Variants in PSMG2 observed in about 807,000 individuals in gnomAD.
PSMG2 encodes proteasome assembly chaperone 2.
PSMG2 carries 21 observed loss-of-function variants against 31.5 expected under a neutral mutation model. The ratio of observed to expected loss-of-function variants is 0.67; its 90% CI spans 0.47 to 0.96. The LOEUF (loss-of-function observed/expected upper bound fraction) is 0.96. Ranked by LOEUF, PSMG2 falls within the 40% of genes least tolerant of loss-of-function variation. The pLI is 0.00. For synonymous variants in PSMG2, 120 were observed against 110.4 expected (o/e 1.09, Z -0.54); for missense variants, 318 against 321.2 (o/e 0.99, Z 0.08).
rs151044813 is a variant in PSMG2 at position 12,659,447 on chromosome 18, C to T, written c.-37+674C>T. Reference sequence around the variant, plus strand: ...CTTTGGGAGGCTGAGGCGGGCAGATCACTGAGGTCAGGAGTTCGAGACCAG... The same window carrying T: ...CTTTGGGAGGCTGAGGCGGGCAGATTACTGAGGTCAGGAGTTCGAGACCAG... On this transcript the variant is annotated intron_variant, in intron 1 of 6. Coordinates refer to the PSMG2 transcript ENST00000585331. Among the ~76,000 whole-genome samples the T allele has an allele frequency of 4.2e-3, 641 of 152,278 alleles. 3 individuals carry two copies. The highest frequency in any genetic ancestry group is 0.015 in the African/African-American group (605 of 41,550).
chr18:12,709,182 A>G (rs2145136469), intron 2 of PSMG2, among the ~76,000 whole-genome samples: 1 of 151,474 alleles, frequency 6.6e-6, no homozygotes, highest in Admixed American at 6.6e-5. Context: ...AGTAGCTAGG[A>G]TTACAGGCAC....
Position 12,721,080 on chromosome 18 carries a change from C to T in PSMG2, c.581+397C>T, listed in dbSNP as rs550617360. 2.5e-3 allele frequency among the ~76,000 whole-genome samples: 382 copies of T among 150,644 alleles called. 1 individual carries two copies. Among genetic ancestry groups the T allele is most frequent in the African/African-American group, 8.9e-3 (367 of 41,046 alleles). The stretch of plus-strand genomic sequence containing the variant: ...CTGTAGTCCCAGCTACTCGGGAGGC[C>T]GAGGCAGGAGAATGGTGTGAACCCG... On this transcript the variant is annotated intron_variant, in intron 5 of 6. Transcript: ENST00000317615.
At chr18:12,702,820 C>T (rs2040205671), upstream of PSMG2, 3 of 560,338 alleles carry the variant, frequency 5.4e-6, no homozygotes, top group South Asian at 4.6e-5. Flanking sequence ...TTCCGCCCGC[C>T]GCTCCACCTC....
intron 1 of PSMG2, among the ~76,000 whole-genome samples, chr18:12,660,122 A>G (rs1394281414): frequency 6.6e-6 from 1 of 152,192 alleles, no homozygotes; most frequent in Non-Finnish European, 1.5e-5. Context: ...CTTACCCACC[A>G]GTAAACAAGA....
intron 1 of PSMG2, chr18:12,674,705 A>G: frequency 6.2e-7 from 1 of 1,614,136 alleles, no homozygotes; most frequent in East Asian, 2.2e-5. Context: ...AAAGCTGGTG[A>G]TAAAAGGTAG....
At chr18:12,666,748 C>CAA (rs538321327) in intron 1 of PSMG2, among the ~76,000 whole-genome samples, 2 of 134,914 alleles carry the variant, frequency 1.5e-5, no homozygotes, top group Non-Finnish European at 1.6e-5. Flanking sequence ...CACACCCGGC[C>CAA]AAAAAAAAAA....
rs1411483816 is a variant in PSMG2, at chr18:12,720,509, G to A, written c.408-1G>A. 1.3e-6 allele frequency: 2 copies of A among 1,578,858 alleles called. No homozygotes were observed. Among genetic ancestry groups the A allele is most frequent in the Non-Finnish European group, 8.6e-7 (1 of 1,166,240 alleles). ...AAAGTTAACTATATGATTATTTCTAGTACTCCCTTCCGGTACCTACTTACA... is the reference window on the plus strand; with the variant it reads ...AAAGTTAACTATATGATTATTTCTAATACTCCCTTCCGGTACCTACTTACA... On this transcript the variant is annotated splice_acceptor_variant, in intron 4 of 6. Transcript: ENST00000317615. LOFTEE classifies it high-confidence loss of function.
intron 5 of PSMG2, 171 bp from the exon 6 acceptor site, chr18:12,724,328 C>T (rs1387704420): frequency 4.9e-6 from 3 of 617,880 alleles, no homozygotes; most frequent in East Asian, 6.4e-5. Context: ...GGCCTGCTCT[C>T]ACAAGTAGAA....
chr18:12,713,036 C>T (rs899541089), intron 3 of PSMG2, among the ~76,000 whole-genome samples: 1 of 152,030 alleles, frequency 6.6e-6, no homozygotes, highest in African/African-American at 2.4e-5. Flanking sequence ...GAGGTTTATT[C>T]CATTTGTATT....
chr18:12,698,215 T>C (rs1343644429), upstream of PSMG2, among the ~76,000 whole-genome samples: 1 of 151,782 alleles, frequency 6.6e-6, no homozygotes, highest in Admixed American at 6.6e-5. Flanking sequence ...TTATAAATAA[T>C]TTATAAATAT....
intron 1 of PSMG2, among the ~76,000 whole-genome samples, chr18:12,678,657 A>C (rs1442719169): frequency 6.6e-6 from 1 of 152,160 alleles, no homozygotes; most frequent in African/African-American, 2.4e-5. Flanking sequence ...TAACAACAGA[A>C]TACATTCTAT....
At chr18:12,707,194 G>A (rs1254465916) in intron 2 of PSMG2, among the ~76,000 whole-genome samples, 1 of 152,080 alleles carries the variant, frequency 6.6e-6, no homozygotes, top group African/African-American at 2.4e-5. Context: ...TTCTGACTTC[G>A]TGATCCAACC....
intron 1 of PSMG2, among the ~76,000 whole-genome samples, chr18:12,682,147 C>T (rs1005957035): frequency 2.6e-5 from 4 of 151,900 alleles, no homozygotes; most frequent in Non-Finnish European, 4.4e-5. Flanking sequence ...GTTGAGTGTC[C>T]GAATGAAGAA....
At chr18:12,684,486 T>G (rs1028085097) in intron 1 of PSMG2, 4 of 53,456 alleles carry the variant, frequency 7.5e-5, no homozygotes, top group East Asian at 7.9e-4. Flanking sequence ...TAGTTTTTTG[T>G]TTTTTTTTTT....
chr18:12,688,449 T>A (rs993963599), intron 1 of PSMG2, among the ~76,000 whole-genome samples: 1 of 152,172 alleles, frequency 6.6e-6, no homozygotes, highest in African/African-American at 2.4e-5. Flanking sequence ...GGTGCAGGAC[T>A]GTTACTCCTA....
At chr18:12,690,462 GTTTTT>G (rs35616464) in intron 1 of PSMG2, among the ~76,000 whole-genome samples, 2 of 146,738 alleles carry the variant, frequency 1.4e-5, no homozygotes, top group Non-Finnish European at 3.0e-5. Flanking sequence ...ATTTTTTGTT[GTTTTT>G]TTTTTTGAGA....
intron 3 of PSMG2, among the ~76,000 whole-genome samples, chr18:12,716,079 C>T (rs552507517): frequency 6.6e-6 from 1 of 152,248 alleles, no homozygotes; most frequent in South Asian, 2.1e-4. Context: ...AGCCATAGTT[C>T]ATTCGTTCTC....
At chr18:12,712,986 C>T (rs62096029) in intron 3 of PSMG2, among the ~76,000 whole-genome samples, 108 of 152,166 alleles carry the variant, frequency 7.1e-4, no homozygotes, top group South Asian at 4.3e-3. Context: ...ATTTTCAGTT[C>T]GGGTAGCATT....
At chr18:12,687,108 A>G (rs2039565702) in intron 1 of PSMG2, among the ~76,000 whole-genome samples, 1 of 152,164 alleles carries the variant, frequency 6.6e-6, no homozygotes, top group African/African-American at 2.4e-5. Context: ...GAGTATTACC[A>G]AAGTCCACAA....
Sources: gnomAD v4.1 joint callset for allele counts (sites outside exome capture counted in the v4.1 genomes callset) on GRCh38, gnomAD v4.1.1 for gene constraint, MANE v1.5 for transcripts, NCBI Gene and HGNC (gene_info 2026-07-23, HGNC 2026-07-21) for gene names.